Variants in ADD1 observed in about 807,000 individuals in gnomAD.
The protein encoded by ADD1 is adducin 1.
ADD1 carries 24 observed loss-of-function variants against 80.5 expected under a neutral mutation model. The ratio of observed to expected loss-of-function variants is 0.30; its 90% CI spans 0.22 to 0.42. ADD1 has a LOEUF of 0.42. Among genes scored for constraint, ADD1 ranks in the 10% least tolerant of loss-of-function variants. The pLI, the probability that ADD1 is intolerant of heterozygous loss-of-function variation, is 1.00. For missense variants in ADD1, 948 were observed against 1,019.0 expected, an observed-to-expected ratio of 0.93 and a Z score of 0.95; for synonymous variants, 373 against 393.8, an observed-to-expected ratio of 0.95 and a Z score of 0.63.
chr4:2,902,171 G>A (rs1337680949), intron 9 of ADD1: 3 of 152,212 alleles, frequency 2.0e-5, no homozygotes, highest in African/African-American at 7.2e-5. Context: ...TATGGTTTCA[G>A]GATAAAATGA....
At chr4:2,886,719 G>A (rs1012039080) in intron 4 of ADD1, among the ~76,000 whole-genome samples, 3 of 152,198 alleles carry the variant, frequency 2.0e-5, no homozygotes, top group Non-Finnish European at 4.4e-5. Flanking sequence ...GTGAAATTGT[G>A]AACAAGAGCT....
intron 1 of ADD1, chr4:2,855,106 C>T (rs1727871845): frequency 6.6e-6 from 1 of 152,186 alleles, no homozygotes. Context: ...TGATTACATT[C>T]AGGGCCCACC....
At chr4:2,909,884 A>T (rs568022817) in intron 13 of ADD1, among the ~76,000 whole-genome samples, 111 of 151,218 alleles carry the variant, frequency 7.3e-4, no homozygotes, top group African/African-American at 2.4e-3. Flanking sequence ...ACTAGAGGTC[A>T]TATCATTGAA....
chr4:2,899,389 T>C lies in ADD1; in HGVS notation c.1115T>C (p.Ile372Thr). 6.2e-7 allele frequency: 1 copy of C among 1,614,164 alleles called. No homozygotes were observed. Among genetic ancestry groups the C allele is most frequent in the Non-Finnish European group, 8.5e-7 (1 of 1,180,026 alleles). The change falls in exon 9 of 16, where the codon ATT becomes ACT. Residue 372 changes from isoleucine (I) to threonine (T), a missense_variant. Coordinates refer to ENST00000683351, the MANE Select transcript of ADD1 (RefSeq NM_001354761.2). The stretch of plus-strand genomic sequence containing the variant: ...ACTGGATCGCCTCCCAAGTGGCAGA[T>C]TGGTGAGCAGGAATTTGAAGCCCTC... Reference protein sequence around the residue: ...EGTGSPPKWQIGEQEFEALMR... With the variant: ...EGTGSPPKWQTGEQEFEALMR...
intron 1 of ADD1, among the ~76,000 whole-genome samples, chr4:2,845,079 A>G (rs1432634668): frequency 7.3e-6 from 1 of 136,068 alleles, no homozygotes; most frequent in Non-Finnish European, 1.6e-5. Flanking sequence ...CCGCGATGAT[A>G]CCTTTTTTTT....
At chr4:2,847,289 T>C (rs1279624574) in intron 1 of ADD1, among the ~76,000 whole-genome samples, 7 of 150,228 alleles carry the variant, frequency 4.7e-5, no homozygotes, top group African/African-American at 9.8e-5. Flanking sequence ...GGCATGGTGG[T>C]GCATGCCTGT....
At chr4:2,875,422 G>A (rs1418549229) in intron 1 of ADD1, among the ~76,000 whole-genome samples, 1 of 152,114 alleles carries the variant, frequency 6.6e-6, no homozygotes, top group Non-Finnish European at 1.5e-5. Flanking sequence ...TGTGTGAGTG[G>A]CTTCTCTTCT....
rs75284732 is a variant in ADD1, at chr4:2,891,436, G to T, written c.511-2577G>T. On this transcript the variant is annotated intron_variant, in intron 4 of 15. Transcript: ENST00000683351. ...CACTCCAGCCTGGGTGACAGAGTGA[G>T]CTTTGTCTCAAAAAAAGAAAAAAAA... Among the ~76,000 whole-genome samples, 1,502 of 151,902 alleles carry T rather than the reference G, an allele frequency of 9.9e-3. 26 individuals are homozygous for T. The highest frequency in any genetic ancestry group is 0.035 in the African/African-American group (1,447 of 41,418).
At chr4:2,888,176 C>A (rs895564169) in intron 4 of ADD1, among the ~76,000 whole-genome samples, 5 of 151,556 alleles carry the variant, frequency 3.3e-5, no homozygotes, top group Non-Finnish European at 5.9e-5. Context: ...CCTCCTGCCT[C>A]AGCCTCCCAA....
At chr4:2,909,499 T>A in intron 13 of ADD1, 68 bp downstream of exon 13, 1 of 970,590 alleles carries the variant, frequency 1.0e-6, no homozygotes, top group South Asian at 1.4e-5. Flanking sequence ...CCTCCCCGTC[T>A]CCTCTCTTCA....
chr4:2,893,990 T>G, intron 4 of ADD1, 23 bp from the exon 5 acceptor site: 2 of 1,602,998 alleles, frequency 1.2e-6, no homozygotes, highest in Non-Finnish European at 1.7e-6. Flanking sequence ...ATCTTTGAGC[T>G]AATTCAGTCA....
At chr4:2,894,840 G>T in intron 6 of ADD1, 109 bp downstream of exon 6, 1 of 1,213,676 alleles carries the variant, frequency 8.2e-7, no homozygotes, top group Non-Finnish European at 1.1e-6. Flanking sequence ...AACTAATTTT[G>T]TTGAATATAA....
In ADD1 at chr4:2,903,733, G is replaced by T. The variant is rs192980658; in HGVS notation, c.1162-1031G>T. ...CTCAAGGTGGGAGGGGATTACAGGA[G>T]CTGGGGGCCTGGGGCCACTGTGAAG... On this transcript the variant is annotated intron_variant, in intron 9 of 15. Transcript: ENST00000683351. Among the ~76,000 whole-genome samples the T allele has an allele frequency of 2.8e-4, 42 of 152,342 alleles. 1 individual carries two copies. The East Asian group carries it at 6.2e-3, about 22-fold the overall frequency.
chr4:2,877,481 G>C (rs1731545322), intron 2 of ADD1, among the ~76,000 whole-genome samples: 1 of 151,932 alleles, frequency 6.6e-6, no homozygotes, highest in African/African-American at 2.4e-5. Context: ...CATAAATGTT[G>C]CTTCTGTAAC....
chr4:2,876,921 G>A (rs1731419129), intron 2 of ADD1, among the ~76,000 whole-genome samples: 1 of 151,040 alleles, frequency 6.6e-6, no homozygotes, highest in South Asian at 2.1e-4. Context: ...AGAATCACTT[G>A]AAACCGGGAG....
intron 1 of ADD1, among the ~76,000 whole-genome samples, chr4:2,856,168 AGGCAT>A (rs1460821422): frequency 6.6e-6 from 1 of 152,090 alleles, no homozygotes; most frequent in East Asian, 1.9e-4. Flanking sequence ...CTAGGATTAC[AGGCAT>A]GAGCCACCAC....
chr4:2,859,909 C>T (rs1335155812), intron 1 of ADD1, among the ~76,000 whole-genome samples: 2 of 144,050 alleles, frequency 1.4e-5, no homozygotes, highest in African/African-American at 5.2e-5. Context: ...AAATGGTTCC[C>T]CTGATATTGC....
intron 14 of ADD1, among the ~76,000 whole-genome samples, chr4:2,925,763 A>ACT: frequency 6.6e-6 from 1 of 152,160 alleles, no homozygotes; most frequent in Admixed American, 6.5e-5. Context: ...GCTCTGGCAG[A>ACT]CTCTCTTTGG....
chr4:2,917,299 T>C (rs933352113), intron 14 of ADD1, among the ~76,000 whole-genome samples: 1 of 151,832 alleles, frequency 6.6e-6, no homozygotes, highest in Non-Finnish European at 1.5e-5. Flanking sequence ...TGATGAGCTT[T>C]TTTTTCATGT....
Sources: gnomAD v4.1 joint callset for allele counts (sites outside exome capture counted in the v4.1 genomes callset) on GRCh38, gnomAD v4.1.1 for gene constraint, MANE v1.5 for transcripts, NCBI Gene and HGNC (gene_info 2026-07-23, HGNC 2026-07-21) for gene names.